Variants in SUPT5H observed in about 807,000 individuals in gnomAD.
The protein encoded by SUPT5H is transcription elongation factor SPT5.
In SUPT5H, 24 loss-of-function variants were observed where a neutral mutation model predicts 142.5. The ratio of observed to expected loss-of-function variants is 0.17; its 90% CI spans 0.12 to 0.24. SUPT5H has a LOEUF of 0.24. Ranked by LOEUF, SUPT5H falls within the 10% of genes least tolerant of loss-of-function variation. SUPT5H has a pLI of 1.00. For synonymous variants in SUPT5H, 546 were observed against 553.0 expected (o/e 0.99, Z 0.18); for missense variants, 893 against 1,471.8 (o/e 0.61, Z 6.43).
chr19:39,473,297 C>T lies in SUPT5H; in HGVS notation c.2353C>T (p.Pro785Ser), dbSNP rs1186056366. The change falls in exon 24 of 30, where the codon CCC (proline) becomes TCC (serine). Residue 785 changes from proline to serine, a missense_variant. Physicochemically the swap from Pro to Ser is moderately conservative, Grantham distance 74 (BLOSUM62 -1). Transcript: ENST00000432763. This position sits in a 1 kb window ranked among gnomAD's most constrained non-coding sequence, Gnocchi z 5.8. ...TPMYGSGSRTPMYGSQTPLQD... is the reference protein window; with the variant it reads ...TPMYGSGSRTSMYGSQTPLQD... ...CATGTATGGCTCTGGCTCCCGAACA[C>T]CCATGTACGGCTCACAGACACCCCT... 1 of 1,613,974 alleles carries T rather than the reference C, an allele frequency of 6.2e-7. No individual in the cohort carries two copies. Among genetic ancestry groups the T allele is most frequent in the South Asian group, 1.1e-5 (1 of 91,090 alleles).
At position 39,445,631 on chromosome 19, in the gene SUPT5H, C is replaced by G; in HGVS notation, c.-94C>G. On this transcript the variant is annotated 5_prime_UTR_variant, in exon 1 of 30. Coordinates refer to ENST00000432763, the MANE Select transcript of SUPT5H (RefSeq NM_001111020.3). ...CTGGTACCGAAGGCGGAGGTGGAGCCCGAGAGGTAAGTGCGTGTGCAGAGG... is the reference window on the plus strand; with the variant it reads ...CTGGTACCGAAGGCGGAGGTGGAGCGCGAGAGGTAAGTGCGTGTGCAGAGG... 1 of 481,212 alleles carries G rather than the reference C, an allele frequency of 2.1e-6. No homozygotes were observed. The allele number at this position is 481,212 out of a possible 1,614,324, so 29.8% of individuals were successfully genotyped here.
intron 10 of SUPT5H, among the ~76,000 whole-genome samples, chr19:39,460,769 C>T (rs2079150666): frequency 6.6e-6 from 1 of 152,164 alleles, no homozygotes; most frequent in Non-Finnish European, 1.5e-5. Flanking sequence ...TGTTCTGCAG[C>T]TTGCATTTAC....
chr19:39,468,991 C>T, intron 14 of SUPT5H, 88 bp from the exon 15 acceptor site: 1 of 1,567,286 alleles, frequency 6.4e-7, no homozygotes, highest in South Asian at 1.1e-5. Context: ...GAGAATTATT[C>T]CCCTAGGACC....
chr19:39,469,916 C>T lies in SUPT5H; in HGVS notation c.1375-203C>T. ...AGGGCGGGCTGGGGTAAAGGTTGTC[C>T]AGGTTGGTGTCCTGTGTCTGGGGTC... On this transcript the variant is annotated intron_variant, in intron 16 of 29. Transcript: ENST00000432763. The surrounding 1 kb of genome is among the most constrained non-coding windows in gnomAD (Gnocchi z 5.1). The T allele has an allele frequency of 1.6e-6, 1 of 617,400 alleles. No homozygotes were observed. The highest frequency in any genetic ancestry group is 2.0e-5 in the South Asian group (1 of 49,414). 38.2% of individuals were successfully genotyped at this position (617,400 alleles called of 1,614,324 possible). A position where few individuals can be genotyped will look rare whatever the true frequency, so the allele number is the denominator to read the frequency against.
At chr19:39,450,962 C>T (rs1019992521) in intron 2 of SUPT5H, among the ~76,000 whole-genome samples, 7 of 151,930 alleles carry the variant, frequency 4.6e-5, no homozygotes, top group African/African-American at 1.2e-4. Flanking sequence ...GACAAACCTT[C>T]AAAAAGTTTT....
rs1031441575 is a variant in SUPT5H at position 39,470,003 on chromosome 19, G to A, written c.1375-116G>A. Reference sequence around the variant, plus strand: ...GGACTAAGGTAGTCTGGGGTGGGTGGTAAGAGCCTGAAGTGGGGTTTTTGA... The same window carrying A: ...GGACTAAGGTAGTCTGGGGTGGGTGATAAGAGCCTGAAGTGGGGTTTTTGA... On this transcript the variant is annotated intron_variant, in intron 16 of 29. Coordinates refer to ENST00000432763, the MANE Select transcript of SUPT5H (RefSeq NM_001111020.3). This position sits in a 1 kb window ranked among gnomAD's most constrained non-coding sequence, Gnocchi z 5.8. 3 of 1,384,330 alleles carry A rather than the reference G, an allele frequency of 2.2e-6. No homozygotes were observed. The highest frequency in any genetic ancestry group is 3.0e-6 in the Non-Finnish European group (3 of 1,009,010). The allele number at this position is 1,384,330 out of a possible 1,614,324, so 85.8% of individuals were successfully genotyped here. A position where few individuals can be genotyped will look rare whatever the true frequency, so the allele number is the denominator to read the frequency against.
chr19:39,446,745 C>A (rs2078959395), intron 2 of SUPT5H, among the ~76,000 whole-genome samples: 1 of 152,230 alleles, frequency 6.6e-6, no homozygotes, highest in South Asian at 2.1e-4. Context: ...TGGTGGCTCA[C>A]ACCTGTAATC....
rs1345937429 is a variant in SUPT5H, at chr19:39,473,696, T to G, written c.2492+175T>G. On this transcript the variant is annotated intron_variant, in intron 25 of 29. Coordinates refer to ENST00000432763, the MANE Select transcript of SUPT5H (RefSeq NM_001111020.3). This position sits in a 1 kb window ranked among gnomAD's most constrained non-coding sequence, Gnocchi z 5.8. ...ATGGCGGGGCGGGGGCAAAGCGGCC[T>G]CCTCTCCATCCCCAACCTCAGTAGT... 6.6e-6 allele frequency among the ~76,000 whole-genome samples: 1 copy of G among 152,200 alleles called. No homozygotes were observed. Among genetic ancestry groups the G allele is most frequent in the East Asian group, 1.9e-4 (1 of 5,170 alleles).
Position 39,466,642 on chromosome 19 carries a change from C to T in SUPT5H, c.967-33C>T. On this transcript the variant is annotated intron_variant, in intron 12 of 29. Coordinates refer to ENST00000432763, the MANE Select transcript of SUPT5H (RefSeq NM_001111020.3). This position sits in a 1 kb window ranked among gnomAD's most constrained non-coding sequence, Gnocchi z 4.3. ...CCACTGGTGGCCAAGCCCCCTCCCTCACCCTTCCCACCCATGCCCCTTTCC... is the reference window on the plus strand; with the variant it reads ...CCACTGGTGGCCAAGCCCCCTCCCTTACCCTTCCCACCCATGCCCCTTTCC... 1 of 1,613,360 alleles carries T rather than the reference C, an allele frequency of 6.2e-7. No homozygotes were observed. The highest frequency in any genetic ancestry group is 8.5e-7 in the Non-Finnish European group (1 of 1,179,252).
At position 39,471,755 on chromosome 19, in the gene SUPT5H, G is replaced by A. The variant is rs1227043560; in HGVS notation, c.1950+25G>A. 6 of 1,605,210 alleles carry A rather than the reference G, an allele frequency of 3.7e-6. No homozygotes were observed. In the South Asian group the frequency reaches 5.6e-5, roughly 15 times the overall value. On this transcript the variant is annotated intron_variant, in intron 20 of 29. Coordinates refer to ENST00000432763, the MANE Select transcript of SUPT5H (RefSeq NM_001111020.3). ...GGTGAGGTGGGCATGGCAGGACCCT[G>A]TGCGTTGGGTACCTGGCTCAGCTCT...
Position 39,466,693 on chromosome 19 carries a change from A to C in SUPT5H, c.985A>C (p.Arg329=), listed in dbSNP as rs138968183. 1,093 of 1,614,194 alleles carry C rather than the reference A, an allele frequency of 6.8e-4. 9 individuals carry two copies. Among genetic ancestry groups the C allele is most frequent in the African/African-American group, 3.8e-3 (287 of 75,048 alleles). The part of the protein sequence containing the change: ...RMSLKDWFAK[R]KKFKRPPQRL... ...TCCATAGAAAGACTGGTTTGCCAAA[A>C]GGAAGAAGTTTAAGCGGCCTCCACA... Residue 329 remains arginine, a synonymous_variant, in exon 13 of 30, where the codon AGG becomes CGG. Transcript: ENST00000432763. The surrounding 1 kb of genome is among the most constrained non-coding windows in gnomAD (Gnocchi z 4.3).
At chr19:39,446,243 T>TA (rs1293018264) in intron 2 of SUPT5H, among the ~76,000 whole-genome samples, 1 of 152,138 alleles carries the variant, frequency 6.6e-6, no homozygotes, top group African/African-American at 2.4e-5. Flanking sequence ...TTTTTTTAGT[T>TA]ATGTCTAGTC....
intron 2 of SUPT5H, among the ~76,000 whole-genome samples, chr19:39,449,735 G>A (rs898671739): frequency 6.6e-6 from 1 of 151,102 alleles, no homozygotes; most frequent in Non-Finnish European, 1.5e-5. Flanking sequence ...TCCACCTCAC[G>A]GTCAAGCAGT....
In SUPT5H at chr19:39,445,883, A is replaced by G; in HGVS notation, c.-8A>G. ...CAAGGCTGCTGTCTTTCCCAGCAGC[A>G]GCGGAAGATGTCGGACAGCGAGGAC... On this transcript the variant is annotated 5_prime_UTR_variant, in exon 2 of 30. Coordinates refer to ENST00000432763, the MANE Select transcript of SUPT5H (RefSeq NM_001111020.3). The G allele has an allele frequency of 1.9e-6, 3 of 1,613,486 alleles. No individual in the cohort carries two copies. Among genetic ancestry groups the G allele is most frequent in the Non-Finnish European group, 1.7e-6 (2 of 1,179,952 alleles).
At chr19:39,459,108 G>A (rs577275957) in intron 7 of SUPT5H, 35 bp downstream of exon 7, 3 of 1,613,314 alleles carry the variant, frequency 1.9e-6, no homozygotes, top group East Asian at 4.5e-5. Context: ...GGGGCAGGGA[G>A]CAGGTGGTCC....
rs917323655 is a variant in SUPT5H at position 39,472,321 on chromosome 19, C to T, written c.1951-88C>T. On this transcript the variant is annotated intron_variant, in intron 20 of 29. Coordinates refer to ENST00000432763, the MANE Select transcript of SUPT5H (RefSeq NM_001111020.3). This position sits in a 1 kb window ranked among gnomAD's most constrained non-coding sequence, Gnocchi z 4.2. ...GGTGTGGGTGGCTGGGTGGTCTCCT[C>T]AGGGCCCTGCACGTGGGATGATGAG... 7.5e-7 allele frequency: 1 copy of T among 1,338,974 alleles called. No homozygotes were observed. Among genetic ancestry groups the T allele is most frequent in the African/African-American group, 1.4e-5 (1 of 69,692 alleles). 82.9% of individuals were successfully genotyped at this position (1,338,974 alleles called of 1,614,324 possible). A position where few individuals can be genotyped will look rare whatever the true frequency, so the allele number is the denominator to read the frequency against.
At position 39,458,039 on chromosome 19, in the gene SUPT5H, T is replaced by G; in HGVS notation, c.308-255T>G. The stretch of plus-strand genomic sequence containing the variant: ...AGCTCTGTCCCAAGATACCCCCCAC[T>G]TCCTGGGCCAGTGCCCCCCTTTCCC... On this transcript the variant is annotated intron_variant, in intron 4 of 29. Coordinates refer to ENST00000432763, the MANE Select transcript of SUPT5H (RefSeq NM_001111020.3). This position sits in a 1 kb window ranked among gnomAD's most constrained non-coding sequence, Gnocchi z 4.2. The G allele has an allele frequency of 1.4e-6, 1 of 728,180 alleles. No individual in the cohort carries two copies. Among genetic ancestry groups the G allele is most frequent in the Non-Finnish European group, 2.2e-6 (1 of 446,420 alleles). The allele number at this position is 728,180 out of a possible 1,614,324, so 45.1% of individuals were successfully genotyped here. A position where few individuals can be genotyped will look rare whatever the true frequency, so the allele number is the denominator to read the frequency against.
chr19:39,475,797 TGGGGA>T, intron 28 of SUPT5H: 28 of 425,684 alleles, frequency 6.6e-5, no homozygotes, highest in South Asian at 2.6e-4. Context: ...GGAGCAGGTG[TGGGGA>T]AGACGCTGAG....
Position 39,473,902 on chromosome 19 carries a change from T to C in SUPT5H, c.2493-61T>C. ...GTTGGGGGTCTGGTGTAGGGTGCTG[T>C]TCTGGAAGCATCCATCGCATTATCA... On this transcript the variant is annotated intron_variant, in intron 25 of 29. Transcript: ENST00000432763. The surrounding 1 kb of genome is among the most constrained non-coding windows in gnomAD (Gnocchi z 5.8). 2 of 1,609,654 alleles carry C rather than the reference T, an allele frequency of 1.2e-6. No homozygotes were observed. The highest frequency in any genetic ancestry group is 2.2e-5 in the East Asian group (1 of 44,856).
Sources: allele counts gnomAD v4.1 joint callset (sites outside exome capture counted in the v4.1 genomes callset), GRCh38; gene constraint gnomAD v4.1.1; non-coding constraint Gnocchi (gnomAD v3.1); transcripts MANE v1.5; gene names NCBI Gene and HGNC (gene_info 2026-07-23, HGNC 2026-07-21).